The following ANKRD28 variants were observed in gnomAD, a reference collection of about 807,000 sequenced individuals.
The protein encoded by ANKRD28 is serine/threonine-protein phosphatase 6 regulatory ankyrin repeat subunit A.
A neutral mutation model predicts 126.5 loss-of-function variants in ANKRD28; 44 were observed. The ratio of observed to expected loss-of-function variants is 0.35; its 90% CI spans 0.27 to 0.45. The LOEUF is 0.45. Among genes scored for constraint, ANKRD28 ranks in the 20% least tolerant of loss-of-function variants. The pLI is 1.00. For missense variants in ANKRD28, 1,110 were observed against 1,316.6 expected, an observed-to-expected ratio of 0.84 and a Z score of 2.43; for synonymous variants, 442 against 468.5, an observed-to-expected ratio of 0.94 and a Z score of 0.73.
chr3:15,831,732 T>G (rs2061195178), intron 1 of ANKRD28, among the ~76,000 whole-genome samples: 1 of 152,208 alleles, frequency 6.6e-6, no homozygotes, highest in African/African-American at 2.4e-5. Flanking sequence ...GGAAAGCAAT[T>G]GCACATTCTG....
intron 23 of ANKRD28, 138 bp downstream of exon 23, chr3:15,679,163 T>G: frequency 1.4e-6 from 1 of 726,460 alleles, no homozygotes. Flanking sequence ...GAGATGCAGG[T>G]CTTGCTATGT....
At chr3:15,724,780 A>C (rs1345650604) in intron 6 of ANKRD28, among the ~76,000 whole-genome samples, 1 of 152,074 alleles carries the variant, frequency 6.6e-6, no homozygotes, top group Non-Finnish European at 1.5e-5. Context: ...GGAATTTGAG[A>C]CCAGCCTAGG....
chr3:15,852,453 T>C (rs983351817), intron 1 of ANKRD28, among the ~76,000 whole-genome samples: 4 of 152,224 alleles, frequency 2.6e-5, no homozygotes, highest in African/African-American at 9.6e-5. Context: ...TAATATTATC[T>C]TTGGACTTAA....
At chr3:15,672,386 C>T (rs2066467278) in intron 27 of ANKRD28, among the ~76,000 whole-genome samples, 1 of 152,162 alleles carries the variant, frequency 6.6e-6, no homozygotes, top group African/African-American at 2.4e-5. Flanking sequence ...AAGTGATCTT[C>T]CCGCCTCTGC....
chr3:15,721,751 TTTC>T, intron 7 of ANKRD28, among the ~76,000 whole-genome samples: 1 of 152,176 alleles, frequency 6.6e-6, no homozygotes, highest in Non-Finnish European at 1.5e-5. Context: ...GGGTTTTGCT[TTTC>T]TTTTTTTTGA....
chr3:15,830,316 A>C lies in ANKRD28; in HGVS notation c.27+29061T>G, dbSNP rs1277270520. On this transcript the variant is annotated intron_variant, in intron 1 of 27. Transcript: ENST00000399451. The surrounding 1 kb of genome is among the most constrained non-coding windows in gnomAD (Gnocchi z 4.5). ...AGAAGTCTCTTAGACCAGGGTCCCT[A>C]ACCCCTGGACTGAGGACTGCTAGCC... Among the ~76,000 whole-genome samples, 3 of 152,202 alleles carry C rather than the reference A, an allele frequency of 2.0e-5. No individual in the cohort carries two copies.
chr3:15,751,256 A>C, intron 4 of ANKRD28, among the ~76,000 whole-genome samples: 1 of 152,238 alleles, frequency 6.6e-6, no homozygotes, highest in East Asian at 1.9e-4. Flanking sequence ...GCTGTACACA[A>C]GAAGGAACTA....
upstream of ANKRD28, among the ~76,000 whole-genome samples, chr3:15,800,082 A>G (rs1045266701): frequency 6.6e-6 from 1 of 152,118 alleles, no homozygotes; most frequent in African/African-American, 2.4e-5. Context: ...GGTGATGGTT[A>G]AAACTAAGGG....
At chr3:15,746,515 T>C (rs890806797) in intron 4 of ANKRD28, among the ~76,000 whole-genome samples, 1 of 152,220 alleles carries the variant, frequency 6.6e-6, no homozygotes, top group African/African-American at 2.4e-5. Context: ...TCACATTTAC[T>C]GACTTAGGTA....
At chr3:15,741,919 G>C (rs1388271964) in intron 4 of ANKRD28, among the ~76,000 whole-genome samples, 3 of 151,624 alleles carry the variant, frequency 2.0e-5, no homozygotes, top group African/African-American at 4.8e-5. Flanking sequence ...GTATTTTTTT[G>C]GTGGAGACGG....
chr3:15,685,473 A>G, intron 20 of ANKRD28, 28 bp from the exon 21 acceptor site: 1 of 1,605,996 alleles, frequency 6.2e-7, no homozygotes. Flanking sequence ...AAAGGTAGTC[A>G]AACATATTAT....
intron 1 of ANKRD28, among the ~76,000 whole-genome samples, chr3:15,807,997 C>G (rs1215858789): frequency 1.3e-5 from 2 of 152,192 alleles, no homozygotes; most frequent in Non-Finnish European, 1.5e-5. Context: ...TCACTTAATT[C>G]TAACAACATG....
chr3:15,795,405 A>T (rs2060231307), intron 1 of ANKRD28, 99 bp from the exon 2 acceptor site: 4 of 762,146 alleles, frequency 5.2e-6, no homozygotes. Context: ...TCTTCCCTGT[A>T]GCAATAATCA....
intron 2 of ANKRD28, among the ~76,000 whole-genome samples, chr3:15,782,436 G>C (rs571547288): frequency 6.6e-6 from 1 of 152,172 alleles, no homozygotes; most frequent in South Asian, 2.1e-4. Flanking sequence ...AAATTAATAA[G>C]CTTTGTCATA....
chr3:15,774,687 C>CA (rs1395625744), intron 2 of ANKRD28, among the ~76,000 whole-genome samples: 1 of 151,964 alleles, frequency 6.6e-6, no homozygotes, highest in Non-Finnish European at 1.5e-5. Context: ...AACTGAAAAA[C>CA]AAGGCATAAA....
chr3:15,789,211 A>G (rs1041795381), intron 2 of ANKRD28, among the ~76,000 whole-genome samples: 2 of 152,060 alleles, frequency 1.3e-5, no homozygotes, highest in African/African-American at 4.8e-5. Context: ...CTTCCTTCCT[A>G]TGAAAATCCT....
chr3:15,837,027 G>C (rs1247332088), intron 1 of ANKRD28, among the ~76,000 whole-genome samples: 1 of 150,266 alleles, frequency 6.7e-6, no homozygotes, highest in Non-Finnish European at 1.5e-5. Context: ...CCGAACCCAG[G>C]AGGCAGAGCT....
intron 8 of ANKRD28, among the ~76,000 whole-genome samples, chr3:15,717,429 A>G (rs144071877): frequency 9.3e-4 from 141 of 152,298 alleles, no homozygotes; most frequent in Middle Eastern, 3.4e-3. Context: ...AGCGGGGAGA[A>G]GGCACAGTTA....
chr3:15,715,554 T>C (rs1379763679), intron 8 of ANKRD28, among the ~76,000 whole-genome samples: 4 of 152,164 alleles, frequency 2.6e-5, no homozygotes, highest in Non-Finnish European at 5.9e-5. Context: ...GAAGTTCTAA[T>C]CTTTTGGAGG....
Sources: allele counts gnomAD v4.1 joint callset (sites outside exome capture counted in the v4.1 genomes callset), GRCh38; gene constraint gnomAD v4.1.1; non-coding constraint Gnocchi (gnomAD v3.1); transcripts MANE v1.5; gene names NCBI Gene and HGNC (gene_info 2026-07-23, HGNC 2026-07-21).